SEPTIN11: variants seen among roughly 807,000 people sequenced by gnomAD.
SEPTIN11 encodes septin-11.
SEPTIN11 carries 25 observed loss-of-function variants against 51.4 expected under a neutral mutation model. That is an observed-to-expected ratio of 0.49 (90% CI 0.35 to 0.68). The LOEUF is 0.68. Among genes scored for constraint, SEPTIN11 ranks in the 30% least tolerant of loss-of-function variants. SEPTIN11 has a pLI of 0.00. For missense variants in SEPTIN11, 381 were observed against 520.8 expected, an observed-to-expected ratio of 0.73 and a Z score of 2.61; for synonymous variants, 174 against 184.1, an observed-to-expected ratio of 0.95 and a Z score of 0.44.
At chr4:77,039,083 A>C (rs1727224658), downstream of SEPTIN11, 2 of 1,288,982 alleles carry the variant, frequency 1.6e-6, no homozygotes, top group Non-Finnish European at 2.0e-6. Context: ...CTTCTTCTTT[A>C]TGTAACCATC....
intron 1 of SEPTIN11, among the ~76,000 whole-genome samples, chr4:76,957,002 GAGAGAC>G (rs1247602003): frequency 3.7e-5 from 3 of 81,262 alleles, no homozygotes; most frequent in South Asian, 8.5e-4. Context: ...GTGAGAGAGA[GAGAGAC>G]AGAGACAGAG....
rs557585898 is a variant in SEPTIN11 at position 77,004,920 on chromosome 4, G to C, written c.143-681G>C. 2.6e-5 allele frequency among the ~76,000 whole-genome samples: 4 copies of C among 152,212 alleles called. No individual in the cohort carries two copies. In the South Asian group the frequency reaches 8.3e-4, roughly 32 times the overall value. On this transcript the variant is annotated intron_variant, in intron 2 of 9. Coordinates refer to ENST00000264893, the MANE Select transcript of SEPTIN11 (RefSeq NM_018243.4). ...GAAGGTTGCAGTGAGCCGAGATCGC[G>C]CCACTGTACTCCAGCCTGGGGGACA...
intron 1 of SEPTIN11, among the ~76,000 whole-genome samples, chr4:76,968,986 T>A (rs1018226082): frequency 6.2e-4 from 95 of 152,160 alleles, no homozygotes; most frequent in African/African-American, 2.1e-3. Flanking sequence ...TTGAGAAATA[T>A]GGAGTTGGAA....
At chr4:76,990,232 T>C (rs1178268592) in intron 1 of SEPTIN11, among the ~76,000 whole-genome samples, 1 of 152,168 alleles carries the variant, frequency 6.6e-6, no homozygotes. Flanking sequence ...TTTACAATCC[T>C]TTTGCTACAG....
chr4:77,033,629 A>G (rs1227426537), intron 9 of SEPTIN11, among the ~76,000 whole-genome samples: 4 of 152,164 alleles, frequency 2.6e-5, no homozygotes, highest in African/African-American at 9.7e-5. Context: ...CGGCTATACC[A>G]CAGTGGTGGG....
At chr4:77,004,391 C>T (rs1189052941) in intron 2 of SEPTIN11, among the ~76,000 whole-genome samples, 1 of 152,122 alleles carries the variant, frequency 6.6e-6, no homozygotes, top group African/African-American at 2.4e-5. Flanking sequence ...TTCTTGACTC[C>T]AGCTGGATAA....
At chr4:76,958,840 T>G in intron 1 of SEPTIN11, 4 of 1,451,126 alleles carry the variant, frequency 2.8e-6, no homozygotes, top group Non-Finnish European at 3.9e-6. Flanking sequence ...GCTGGTTATA[T>G]TTTCAGAAAA....
intron 7 of SEPTIN11, among the ~76,000 whole-genome samples, chr4:77,025,561 G>T (rs1408428963): frequency 6.6e-6 from 1 of 151,638 alleles, no homozygotes; most frequent in Non-Finnish European, 1.5e-5. Context: ...AAAAAAAGAT[G>T]TAAAATCACT....
intron 1 of SEPTIN11, among the ~76,000 whole-genome samples, chr4:76,983,964 G>A (rs774978926): frequency 3.9e-5 from 6 of 152,080 alleles, no homozygotes; most frequent in African/African-American, 1.4e-4. Context: ...CCGAGATCGC[G>A]CTATTGCACT....
intron 1 of SEPTIN11, among the ~76,000 whole-genome samples, chr4:76,986,303 G>C (rs1176856780): frequency 6.7e-6 from 1 of 150,248 alleles, no homozygotes; most frequent in Non-Finnish European, 1.5e-5. Flanking sequence ...ATTGAGAATG[G>C]GGATAGGCTG....
rs1290325218 is a variant in SEPTIN11, at chr4:77,024,687, T to C, written c.954-3942T>C. Among the ~76,000 whole-genome samples, 3 of 152,144 alleles carry C rather than the reference T, an allele frequency of 2.0e-5. No individual in the cohort carries two copies. Among genetic ancestry groups the C allele is most frequent in the Non-Finnish European group, 4.4e-5 (3 of 68,024 alleles). ...CGAGGTCCAGGCCCCAGAGACTCAC[T>C]TGTTTTTAGGAGTGCCTGGGCCTCT... On this transcript the variant is annotated intron_variant, in intron 7 of 9. Transcript: ENST00000264893. This position sits in a 1 kb window ranked among gnomAD's most constrained non-coding sequence, Gnocchi z 4.2.
chr4:77,000,437 A>C (rs1053220527), intron 2 of SEPTIN11, among the ~76,000 whole-genome samples: 1 of 152,248 alleles, frequency 6.6e-6, no homozygotes, highest in South Asian at 2.1e-4. Context: ...GGATAGAGTC[A>C]GTACTCAAAG....
chr4:77,016,633 C>CACATAT lies in SEPTIN11; in HGVS notation c.687+1617_687+1618insCATATA, dbSNP rs1375044162. Among the ~76,000 whole-genome samples, 494 of 72,722 alleles carry CACATAT rather than the reference C, an allele frequency of 6.8e-3. 17 individuals carry two copies. The highest frequency in any genetic ancestry group is 0.023 in the African/African-American group (448 of 19,068). 47.7% of individuals were successfully genotyped at this position (72,722 alleles called of 152,430 possible). On this transcript the variant is annotated intron_variant, in intron 5 of 9. Coordinates refer to ENST00000264893, the MANE Select transcript of SEPTIN11 (RefSeq NM_018243.4). ...ATATACACATATATATATATATACACATATATATATATATATATATATACA... is the reference window on the plus strand; with the variant it reads ...ATATACACATATATATATATATACACACATATATATATATATATATATATATATACA...
In SEPTIN11 at chr4:77,037,599, C is replaced by T. The variant is rs1317989858; in HGVS notation, c.*3087C>T. On this transcript the variant is annotated 3_prime_UTR_variant, in exon 10 of 10. Transcript: ENST00000264893. ...GGTGCTAACTGCTGACAGTGGCCAC[C>T]TCTTTTTTGGGGATTGAGGGGCCTA... 1.0e-6 allele frequency: 1 copy of T among 985,188 alleles called. No individual in the cohort carries two copies. The highest frequency in any genetic ancestry group is 1.1e-4 in the East Asian group (1 of 8,816). 61.0% of individuals were successfully genotyped at this position (985,188 alleles called of 1,614,324 possible).
At chr4:76,959,247 G>T in intron 1 of SEPTIN11, 1 of 165,002 alleles carries the variant, frequency 6.1e-6, no homozygotes, top group Non-Finnish European at 1.3e-5. Flanking sequence ...GCTTGGACAA[G>T]ACAAGGTTTT....
chr4:77,023,419 C>T (rs1444814106), intron 7 of SEPTIN11, among the ~76,000 whole-genome samples: 3 of 148,276 alleles, frequency 2.0e-5, no homozygotes, highest in African/African-American at 5.0e-5. Context: ...ATATATATTA[C>T]CAAGGCCTTT....
intron 1 of SEPTIN11, among the ~76,000 whole-genome samples, chr4:76,956,230 T>C (rs1386296521): frequency 6.6e-6 from 1 of 152,202 alleles, no homozygotes; most frequent in Non-Finnish European, 1.5e-5. Flanking sequence ...CATCTTGATT[T>C]TCAAATTTAT....
At chr4:76,957,408 G>A (rs115123312) in intron 1 of SEPTIN11, among the ~76,000 whole-genome samples, 1,821 of 152,116 alleles carry the variant, frequency 0.012, 43 homozygotes, top group African/African-American at 0.042. Context: ...AGGTTGCTCC[G>A]GTTCTAGAGT....
In SEPTIN11 at chr4:77,038,533, A is replaced by T. The variant is rs368519829; in HGVS notation, c.*4021A>T. ...GTAATTTGGCATCTGTTAAGGTAGG[A>T]GAGTGGTGAACAGATAATCTATGCA... On this transcript the variant is annotated 3_prime_UTR_variant, in exon 10 of 10. Coordinates refer to ENST00000264893, the MANE Select transcript of SEPTIN11 (RefSeq NM_018243.4). 79 of 986,208 alleles carry T rather than the reference A, an allele frequency of 8.0e-5. No homozygotes were observed. The African/African-American group carries it at 1.3e-3, about 17-fold the overall frequency. 61.1% of individuals were successfully genotyped at this position (986,208 alleles called of 1,614,324 possible).
Sources: gnomAD v4.1 joint callset for allele counts (sites outside exome capture counted in the v4.1 genomes callset) on GRCh38, gnomAD v4.1.1 for gene constraint, Gnocchi (gnomAD v3.1) non-coding constraint, MANE v1.5 for transcripts, NCBI Gene and HGNC (gene_info 2026-07-23, HGNC 2026-07-21) for gene names.